MSH3: variants seen among roughly 807,000 people sequenced by gnomAD.
MSH3 encodes DNA mismatch repair protein Msh3.
Under a neutral mutation model 123.3 loss-of-function variants are expected in MSH3, and 106 were observed. That is an observed-to-expected ratio of 0.86 (90% confidence interval 0.73 to 1.01). The LOEUF is 1.01. Ranked by LOEUF, MSH3 falls within the 50% of genes least tolerant of loss-of-function variation. The probability of loss-of-function intolerance (pLI) is 0.00; values close to 1 mark genes in which losing one functional copy is unlikely to be tolerated. For synonymous variants in MSH3, 515 were observed against 481.4 expected, an observed-to-expected ratio of 1.07 and a Z score of -0.91; for missense variants, 1,459 against 1,347.6, an observed-to-expected ratio of 1.08 and a Z score of -1.29.
intron 1 of MSH3, among the ~76,000 whole-genome samples, chr5:80,656,177 A>C (rs1037792730): frequency 2.6e-5 from 4 of 152,210 alleles, no homozygotes; most frequent in African/African-American, 9.7e-5. Context: ...GGTTTCAATT[A>C]ATTCTAAACA....
intron 21 of MSH3, among the ~76,000 whole-genome samples, chr5:80,857,722 G>A (rs245351): frequency 0.44 from 66,265 of 152,016 alleles, 15,770 homozygotes; most frequent in Non-Finnish European, 0.54. Flanking sequence ...ATTTGTCCAC[G>A]GCATCCGTAG....
intron 8 of MSH3, among the ~76,000 whole-genome samples, chr5:80,708,221 A>G (rs1294549024): frequency 1.3e-5 from 2 of 152,122 alleles, no homozygotes; most frequent in Admixed American, 1.3e-4. Flanking sequence ...GCCTACTCCA[A>G]CATCATGAAC....
intron 21 of MSH3, chr5:80,855,793 T>C (rs1343644246): frequency 6.6e-6 from 1 of 152,098 alleles, no homozygotes; most frequent in Admixed American, 6.5e-5. Flanking sequence ...GCAAATAGGT[T>C]GTACCTAGCT....
At chr5:80,707,328 C>T (rs1482312290) in intron 8 of MSH3, among the ~76,000 whole-genome samples, 1 of 152,190 alleles carries the variant, frequency 6.6e-6, no homozygotes, top group Non-Finnish European at 1.5e-5. Context: ...AAGTTACTAA[C>T]ATTTGTGTAC....
At chr5:80,705,722 AGGCCTCTCCTTGACTTGTAGAC>A (rs1750707610) in intron 8 of MSH3, among the ~76,000 whole-genome samples, 1 of 152,174 alleles carries the variant, frequency 6.6e-6, no homozygotes, top group Admixed American at 6.5e-5. Context: ...GATCTGTTCC[AGGCCTCTCCTTGACTTGTAGAC>A]GGCCACCTCC....
chr5:80,862,720 A>G (rs1250489630), intron 21 of MSH3, among the ~76,000 whole-genome samples: 1 of 152,172 alleles, frequency 6.6e-6, no homozygotes, highest in African/African-American at 2.4e-5. Flanking sequence ...TGATTGTGCC[A>G]TTGCAATCTA....
At chr5:80,860,255 T>G (rs1745993162) in intron 21 of MSH3, among the ~76,000 whole-genome samples, 1 of 152,176 alleles carries the variant, frequency 6.6e-6, no homozygotes, top group African/African-American at 2.4e-5. Flanking sequence ...GCACTTTTCT[T>G]TATGTAGATA....
intron 16 of MSH3, among the ~76,000 whole-genome samples, chr5:80,777,611 A>T (rs1004737068): frequency 2.0e-5 from 3 of 152,234 alleles, no homozygotes; most frequent in African/African-American, 7.2e-5. Context: ...TCAGTAATGT[A>T]AATTGAATCA....
chr5:80,804,835 C>T (rs1744860182), intron 19 of MSH3, among the ~76,000 whole-genome samples: 2 of 152,194 alleles, frequency 1.3e-5, no homozygotes, highest in South Asian at 4.2e-4. Context: ...GTGGCAAATC[C>T]AGCCTGAAGG....
intron 8 of MSH3, among the ~76,000 whole-genome samples, chr5:80,690,669 G>A (rs879647543): frequency 3.9e-5 from 6 of 152,032 alleles, no homozygotes; most frequent in South Asian, 2.1e-4. Context: ...AACTTTAACC[G>A]TTAAGTGCTC....
chr5:80,698,559 C>T (rs370706101), intron 8 of MSH3, among the ~76,000 whole-genome samples: 90 of 152,208 alleles, frequency 5.9e-4, no homozygotes, highest in Middle Eastern at 3.4e-3. Flanking sequence ...TGTGAGAGAG[C>T]GTGCTTTTCT....
chr5:80,760,177 A>G (rs1744006584), intron 12 of MSH3, among the ~76,000 whole-genome samples: 1 of 152,134 alleles, frequency 6.6e-6, no homozygotes, highest in Non-Finnish European at 1.5e-5. Flanking sequence ...TTCCCCCAAA[A>G]CATCAGTTCA....
intron 8 of MSH3, among the ~76,000 whole-genome samples, chr5:80,683,056 A>G (rs984406166): frequency 6.6e-6 from 1 of 152,196 alleles, no homozygotes; most frequent in African/African-American, 2.4e-5. Context: ...TTCATGGCAG[A>G]ATGCTACTCC....
At chr5:80,659,248 A>G (rs1321626822) in intron 2 of MSH3, among the ~76,000 whole-genome samples, 1 of 149,392 alleles carries the variant, frequency 6.7e-6, no homozygotes, top group Non-Finnish European at 1.5e-5. Context: ...AAAAAAAAAA[A>G]GATACAGTTA....
chr5:80,675,234 C>T (rs1462764176), intron 7 of MSH3, 106 bp downstream of exon 7: 5 of 1,238,482 alleles, frequency 4.0e-6, no homozygotes, highest in Middle Eastern at 2.3e-4. Context: ...AGTGTACCTT[C>T]AGATAATTAT....
At chr5:80,772,933 C>T (rs537198973) in intron 15 of MSH3, among the ~76,000 whole-genome samples, 2 of 152,256 alleles carry the variant, frequency 1.3e-5, no homozygotes, top group South Asian at 2.1e-4. Context: ...TAACTTGTGC[C>T]TTCCTGACTC....
At chr5:80,775,838 C>T in intron 16 of MSH3, 80 bp downstream of exon 16, 2 of 788,050 alleles carry the variant, frequency 2.5e-6, no homozygotes, top group Non-Finnish European at 2.2e-6. Context: ...CTCATCGTAG[C>T]CACATTCTTG....
intron 15 of MSH3, among the ~76,000 whole-genome samples, chr5:80,773,834 C>A (rs1017857005): frequency 9.8e-5 from 15 of 152,310 alleles, no homozygotes; most frequent in African/African-American, 3.6e-4. Flanking sequence ...GTGGCACAAT[C>A]TCGGCTCACT....
At chr5:80,750,925 A>G (rs1395767275) in intron 12 of MSH3, among the ~76,000 whole-genome samples, 1 of 152,144 alleles carries the variant, frequency 6.6e-6, no homozygotes, top group African/African-American at 2.4e-5. Flanking sequence ...CGTTGTGTTA[A>G]TATCTTCGGA....
Sources: gnomAD v4.1 joint callset for allele counts (sites outside exome capture counted in the v4.1 genomes callset) on GRCh38, gnomAD v4.1.1 for gene constraint, MANE v1.5 for transcripts, NCBI Gene and HGNC (gene_info 2026-07-23, HGNC 2026-07-21) for gene names.